The following TBC1D4 variants were observed in gnomAD, a reference collection of about 807,000 sequenced individuals.
TBC1D4 encodes the protein TBC1 domain family member 4, also known as TBC (Tre-2, BUB2, CDC16) domain-containing protein.
TBC1D4 carries 121 observed loss-of-function variants against 142.5 expected under a neutral mutation model. The observed-to-expected ratio is 0.85, with a 90% confidence interval of 0.73 to 0.99. The LOEUF is 0.99. Ranked by LOEUF, TBC1D4 falls within the 50% of genes least tolerant of loss-of-function variation. The pLI, the probability that TBC1D4 is intolerant of heterozygous loss-of-function variation, is 0.00. For synonymous variants in TBC1D4, 630 were observed against 628.2 expected (o/e 1.00, Z -0.04); for missense variants, 1,475 against 1,606.6 (o/e 0.92, Z 1.40).
At chr13:75,305,557 C>T (rs939159118) in intron 15 of TBC1D4, among the ~76,000 whole-genome samples, 1 of 152,194 alleles carries the variant, frequency 6.6e-6, no homozygotes, top group African/African-American at 2.4e-5. Context: ...CAAAATAACA[C>T]TTATCTTAAT....
chr13:75,290,187 T>C (rs1875142984), intron 19 of TBC1D4, among the ~76,000 whole-genome samples: 1 of 152,114 alleles, frequency 6.6e-6, no homozygotes, highest in African/African-American at 2.4e-5. Context: ...TATTTTTATA[T>C]GTATATATAA....
At position 75,362,195 on chromosome 13, in the gene TBC1D4, G is replaced by T; in HGVS notation, c.911C>A (p.Ser304Tyr). The T allele has an allele frequency of 6.2e-7, 1 of 1,613,826 alleles. No individual in the cohort carries two copies. Among genetic ancestry groups the T allele is most frequent in the Non-Finnish European group, 8.5e-7 (1 of 1,180,016 alleles). ...AAACTCCTGCTGCTCATCAAAGCCA[G>T]AATCTTCCAAAATCCGCTCAGGGAA... ...VCFPERILED[S>Y]GFDEQQEFRS... is the part of the protein sequence containing the mutation. Residue 304 changes from serine to tyrosine, a missense_variant, in exon 2 of 21, where the codon TCT (serine) becomes TAT (tyrosine). Transcript: ENST00000377636. The surrounding 1 kb of genome is among the most constrained non-coding windows in gnomAD (Gnocchi z 4.2).
intron 1 of TBC1D4, among the ~76,000 whole-genome samples, chr13:75,369,109 C>G (rs1191904345): frequency 6.6e-6 from 1 of 151,972 alleles, no homozygotes; most frequent in Non-Finnish European, 1.5e-5. Flanking sequence ...GAGTTTAGTG[C>G]TGGTGTAACA....
At chr13:75,331,982 G>T (rs1372324890) in intron 8 of TBC1D4, among the ~76,000 whole-genome samples, 1 of 152,112 alleles carries the variant, frequency 6.6e-6, no homozygotes. Flanking sequence ...ACCTTGTTAG[G>T]TCGCAAAATT....
intron 1 of TBC1D4, among the ~76,000 whole-genome samples, chr13:75,459,856 A>T (rs576557742): frequency 6.6e-6 from 1 of 152,320 alleles, no homozygotes; most frequent in African/African-American, 2.4e-5. Context: ...TAAATAATAC[A>T]TATTGGCAAG....
Position 75,362,379 on chromosome 13 carries a change from G to C in TBC1D4, c.727C>G (p.Gln243Glu). Residue 243 changes from glutamine (Q) to glutamate (E), a missense_variant, in exon 2 of 21, where the codon CAG becomes GAG. Gln to Glu is a conservative substitution (Grantham distance 29). This residue lies in a region of TBC1D4 where 1,227 missense variants were observed against 1,267.7 expected (regional missense o/e 0.97). Coordinates refer to ENST00000377636, the MANE Select transcript of TBC1D4 (RefSeq NM_014832.5). The surrounding 1 kb of genome is among the most constrained non-coding windows in gnomAD (Gnocchi z 4.2). ...TCCTCTCCTGGGTCCGGACCGCGCT[G>C]CTCCCCTTGGATCTTCAGGCGCTGC... The part of the protein sequence containing the change: ...EQQRLKIQGE[Q>E]RGPDPGEDLA... The C allele has an allele frequency of 6.2e-7, 1 of 1,614,234 alleles. No homozygotes were observed. The highest frequency in any genetic ancestry group is 8.5e-7 in the Non-Finnish European group (1 of 1,180,048).
At chr13:75,423,967 T>C (rs1886269242) in intron 1 of TBC1D4, among the ~76,000 whole-genome samples, 1 of 152,190 alleles carries the variant, frequency 6.6e-6, no homozygotes, top group Non-Finnish European at 1.5e-5. Context: ...GTAAATGTTA[T>C]ATTACGTGTA....
chr13:75,353,929 G>A (rs1229394156), intron 4 of TBC1D4, among the ~76,000 whole-genome samples: 1 of 152,156 alleles, frequency 6.6e-6, no homozygotes, highest in Admixed American at 6.5e-5. Flanking sequence ...TGCAGTGAAT[G>A]GGGACCTCTG....
At position 75,299,476 on chromosome 13, in the gene TBC1D4, C is replaced by A; in HGVS notation, c.3010G>T (p.Glu1004Ter). ...CTGATCCCCTGACAGTATCCCACTT[C>A]TTTGTCCAGCAAAGAATAGGCTTTC... The part of the protein sequence containing the change: ...LLKAYSLLDK[E>*]VGYCQGISFV... The change falls in exon 17 of 21, where the codon GAA (glutamate) becomes TAA (stop). Residue 1004 changes from glutamate (E) to a stop codon, truncating the protein, a stop_gained. Coordinates refer to ENST00000377636, the MANE Select transcript of TBC1D4 (RefSeq NM_014832.5). LOFTEE classifies it high-confidence loss of function. 1 of 1,614,202 alleles carries A rather than the reference C, an allele frequency of 6.2e-7. No individual in the cohort carries two copies. Among genetic ancestry groups the A allele is most frequent in the Non-Finnish European group, 8.5e-7 (1 of 1,180,038 alleles).
Position 75,301,066 on chromosome 13 carries a change from A to G in TBC1D4, c.2911+1177T>C, listed in dbSNP as rs1284166184. ...TCCAAAAGGAACAGAGGTAAAAACT[A>G]GGGTTTGGCTAGTGATTTTTCATAT... On this transcript the variant is annotated intron_variant, in intron 16 of 20. Transcript: ENST00000377636. 3.3e-5 allele frequency among the ~76,000 whole-genome samples: 5 copies of G among 152,164 alleles called. No individual in the cohort carries two copies. In the South Asian group the frequency reaches 8.3e-4, roughly 25 times the overall value.
chr13:75,362,294 G>C lies in TBC1D4; in HGVS notation c.812C>G (p.Ala271Gly), dbSNP rs199722075. The change falls in exon 2 of 21, where the codon GCT (alanine) becomes GGT (glycine). Residue 271 changes from alanine (A) to glycine (G), a missense_variant. Ala to Gly is a moderately conservative substitution (Grantham distance 60). This residue lies in a region of TBC1D4 where 1,227 missense variants were observed against 1,267.7 expected (regional missense o/e 0.97). Coordinates refer to ENST00000377636, the MANE Select transcript of TBC1D4 (RefSeq NM_014832.5). This position sits in a 1 kb window ranked among gnomAD's most constrained non-coding sequence, Gnocchi z 4.2. ...GSPGDCLPEE[A>G]DGTDTHLGLP... ...GCCAAGGTGGGTGTCGGTGCCGTCA[G>C]CCTCCTCCGGCAGGCAGTCTCCGGG... 4.5e-4 allele frequency: 728 copies of C among 1,613,870 alleles called. 2 individuals carry two copies. In the African/African-American group the frequency reaches 8.7e-3, roughly 19 times the overall value.
At chr13:75,326,154 G>C (rs371280826) in intron 10 of TBC1D4, 43 bp downstream of exon 10, 1 of 1,601,050 alleles carries the variant, frequency 6.2e-7, no homozygotes, top group Non-Finnish European at 8.6e-7. Flanking sequence ...AAAACTGTGT[G>C]CCTTGAGAAT....
chr13:75,462,674 G>C (rs1184805997), intron 1 of TBC1D4, among the ~76,000 whole-genome samples: 3 of 151,890 alleles, frequency 2.0e-5, no homozygotes, highest in African/African-American at 4.8e-5. Context: ...AAATTGGTTT[G>C]CTGACAATGT....
At chr13:75,293,392 C>T (rs1443610435) in intron 18 of TBC1D4, among the ~76,000 whole-genome samples, 1 of 152,000 alleles carries the variant, frequency 6.6e-6, no homozygotes, top group Non-Finnish European at 1.5e-5. Context: ...ATTGTATAGC[C>T]AACAGCATCA....
intron 1 of TBC1D4, among the ~76,000 whole-genome samples, chr13:75,457,620 T>C (rs979414243): frequency 2.0e-5 from 3 of 152,210 alleles, no homozygotes; most frequent in African/African-American, 7.2e-5. Context: ...ACTATAATCC[T>C]TGACCTACAA....
chr13:75,308,885 G>C (rs1455244167), intron 14 of TBC1D4, among the ~76,000 whole-genome samples: 4 of 152,010 alleles, frequency 2.6e-5, no homozygotes, highest in African/African-American at 9.7e-5. Context: ...TGCTAACAGC[G>C]ATTTTAAAAA....
chr13:75,319,960 G>T, intron 12 of TBC1D4, 54 bp downstream of exon 12: 1 of 1,587,072 alleles, frequency 6.3e-7, no homozygotes, highest in Admixed American at 1.7e-5. Flanking sequence ...ATGATGTTCA[G>T]TTGGAAGAAT....
At chr13:75,443,940 C>T (rs1047056198) in intron 1 of TBC1D4, among the ~76,000 whole-genome samples, 3 of 149,324 alleles carry the variant, frequency 2.0e-5, no homozygotes, top group Non-Finnish European at 3.0e-5. Context: ...CTTCTTAAAG[C>T]ATTTTATAAG....
intron 1 of TBC1D4, among the ~76,000 whole-genome samples, chr13:75,436,381 G>A (rs1260258497): frequency 6.6e-6 from 1 of 152,084 alleles, no homozygotes; most frequent in Admixed American, 6.5e-5. Context: ...TTCAGGCTGG[G>A]TACAGTGGCT....
Sources: allele counts gnomAD v4.1 joint callset (sites outside exome capture counted in the v4.1 genomes callset), GRCh38; gene constraint gnomAD v4.1.1; regional missense constraint gnomAD v4.1.1; non-coding constraint Gnocchi (gnomAD v3.1); transcripts MANE v1.5; gene names NCBI Gene and HGNC (gene_info 2026-07-23, HGNC 2026-07-21).